The following SNTG2 variants were observed in gnomAD, a reference collection of about 807,000 sequenced individuals.
The protein encoded by SNTG2 is syntrophin gamma 2.
SNTG2 carries 74 observed loss-of-function variants against 70.9 expected under a neutral mutation model. The observed-to-expected ratio is 1.04, with a 90% CI of 0.86 to 1.27. SNTG2 has a LOEUF of 1.27. Among genes scored for constraint, SNTG2 ranks in the 50% most tolerant of loss-of-function variants. The pLI, the probability that SNTG2 is intolerant of heterozygous loss-of-function variation, is 0.00. For missense variants in SNTG2, 717 were observed against 690.7 expected (o/e 1.04, Z -0.43); for synonymous variants, 278 against 273.8 (o/e 1.02, Z -0.15).
intron 7 of SNTG2, 135 bp downstream of exon 7, chr2:1,165,770 G>T: frequency 2.7e-6 from 2 of 741,154 alleles, no homozygotes; most frequent in Non-Finnish European, 4.3e-6. Flanking sequence ...AAAAGTATAG[G>T]CAGGCACCGT....
chr2:1,251,528 CCA>C (rs1677762821), intron 12 of SNTG2, among the ~76,000 whole-genome samples: 1 of 142,744 alleles, frequency 7.0e-6, no homozygotes, highest in Non-Finnish European at 1.5e-5. Context: ...CATGCACATA[CCA>C]CACACATAAC....
intron 14 of SNTG2, among the ~76,000 whole-genome samples, chr2:1,304,181 ACACT>A (rs1680577058): frequency 6.6e-6 from 1 of 152,216 alleles, no homozygotes; most frequent in Non-Finnish European, 1.5e-5. Flanking sequence ...ATTAATACAG[ACACT>A]CAATCTTCAA....
intron 1 of SNTG2, among the ~76,000 whole-genome samples, chr2:1,016,447 G>A (rs892787418): frequency 2.6e-5 from 4 of 152,144 alleles, no homozygotes; most frequent in African/African-American, 7.2e-5. Flanking sequence ...TACCATGTTG[G>A]CCAGGTTGGC....
In SNTG2 at chr2:1,367,474, A is replaced by G; in HGVS notation, c.1620A>G (p.Ter540=). Residue 540 remains the stop codon, a stop_retained_variant, in exon 17 of 17, where the codon TAA becomes TAG. Coordinates refer to ENST00000308624, the MANE Select transcript of SNTG2 (RefSeq NM_018968.4). ...CCAGAAAATACATGTACAGCAGCTA[A>G]AGGTTGTTTCTGTTGAGTGCTGAAA... ...SLARKYMYSS[*] The G allele has an allele frequency of 6.5e-7, 1 of 1,549,048 alleles. No individual in the cohort carries two copies. The highest frequency in any genetic ancestry group is 1.4e-5 in the African/African-American group (1 of 73,040).
At chr2:1,166,336 T>A (rs369298417) in intron 7 of SNTG2, among the ~76,000 whole-genome samples, 2 of 152,132 alleles carry the variant, frequency 1.3e-5, no homozygotes, top group South Asian at 4.1e-4. Flanking sequence ...GCATCCGATG[T>A]GGAATGAGGA....
chr2:1,126,587 T>A (rs73168765), intron 4 of SNTG2, among the ~76,000 whole-genome samples: 2,705 of 152,272 alleles, frequency 0.018, 96 homozygotes, highest in African/African-American at 0.061. Context: ...CAGTTTACAT[T>A]ACCACCAGCA....
intron 16 of SNTG2, among the ~76,000 whole-genome samples, chr2:1,318,460 G>A (rs185853600): frequency 6.6e-6 from 1 of 152,334 alleles, no homozygotes; most frequent in East Asian, 1.9e-4. Flanking sequence ...TTTATGTTTT[G>A]GAAATTGACA....
intron 4 of SNTG2, among the ~76,000 whole-genome samples, chr2:1,115,336 C>G (rs566004556): frequency 6.6e-6 from 1 of 151,424 alleles, no homozygotes; most frequent in Non-Finnish European, 1.5e-5. Flanking sequence ...GGAGGAGGAT[C>G]ATGTGTAGTA....
intron 1 of SNTG2, among the ~76,000 whole-genome samples, chr2:1,082,626 G>A (rs2148168584): frequency 6.6e-6 from 1 of 152,320 alleles, no homozygotes; most frequent in Non-Finnish European, 1.5e-5. Flanking sequence ...CACGTGGCAT[G>A]AGGACCAAGT....
chr2:1,172,176 G>C (rs79569362), intron 7 of SNTG2, among the ~76,000 whole-genome samples: 2,177 of 152,296 alleles, frequency 0.014, 55 homozygotes, highest in African/African-American at 0.05. Flanking sequence ...CCTCCTGCTA[G>C]TGCTGTTCTC....
At chr2:954,253 C>T (rs1313384156) in intron 1 of SNTG2, among the ~76,000 whole-genome samples, 3 of 152,120 alleles carry the variant, frequency 2.0e-5, no homozygotes, top group Admixed American at 6.6e-5. Flanking sequence ...CAGAGAACCC[C>T]GGCTTCGGGA....
At chr2:1,070,535 C>G (rs1663464178) in intron 1 of SNTG2, among the ~76,000 whole-genome samples, 1 of 152,054 alleles carries the variant, frequency 6.6e-6, no homozygotes, top group East Asian at 1.9e-4. Flanking sequence ...CAATGTTTGC[C>G]TCATTTTCCA....
At chr2:1,102,995 G>A (rs6720065) in intron 4 of SNTG2, among the ~76,000 whole-genome samples, 20,771 of 152,214 alleles carry the variant, frequency 0.14, 1,577 homozygotes, top group Admixed American at 0.16. Flanking sequence ...GTTGAGGTGC[G>A]GCCTGCGTGC....
chr2:1,194,057 C>T (rs949017421), intron 8 of SNTG2, among the ~76,000 whole-genome samples: 7 of 152,230 alleles, frequency 4.6e-5, no homozygotes, highest in African/African-American at 1.4e-4. Context: ...GTGCACAGGG[C>T]AGGAATCCTG....
At chr2:1,084,451 G>T (rs747717515) in intron 2 of SNTG2, among the ~76,000 whole-genome samples, 5 of 152,166 alleles carry the variant, frequency 3.3e-5, no homozygotes, top group Non-Finnish European at 7.3e-5. Flanking sequence ...TCCTTCTGTG[G>T]CTGGCACCCG....
chr2:1,031,379 T>A (rs1660805223), intron 1 of SNTG2, among the ~76,000 whole-genome samples: 1 of 151,704 alleles, frequency 6.6e-6, no homozygotes, highest in South Asian at 2.1e-4. Flanking sequence ...GGGCACACTC[T>A]AATTGTAGCT....
chr2:1,062,637 C>T (rs943574172), intron 1 of SNTG2, among the ~76,000 whole-genome samples: 2 of 152,164 alleles, frequency 1.3e-5, no homozygotes, highest in African/African-American at 4.8e-5. Flanking sequence ...ACCAACTCTA[C>T]CTTATGACTC....
At chr2:981,666 CAG>C (rs1453766761) in intron 1 of SNTG2, among the ~76,000 whole-genome samples, 32 of 152,330 alleles carry the variant, frequency 2.1e-4, no homozygotes, top group African/African-American at 7.7e-4. Context: ...CACATGAACA[CAG>C]ACCTGCATAC....
At chr2:991,182 GTTGTTCCA>G (rs1297305881) in intron 1 of SNTG2, among the ~76,000 whole-genome samples, 4 of 152,136 alleles carry the variant, frequency 2.6e-5, no homozygotes, top group Admixed American at 2.6e-4. Context: ...TGGCAATTGT[GTTGTTCCA>G]TAACTGCAGG....
Sources: allele counts gnomAD v4.1 joint callset (sites outside exome capture counted in the v4.1 genomes callset), GRCh38; gene constraint gnomAD v4.1.1; transcripts MANE v1.5; gene names NCBI Gene and HGNC (gene_info 2026-07-23, HGNC 2026-07-21).